Variants in SGCZ observed in about 807,000 individuals in gnomAD.
SGCZ encodes the protein zeta-sarcoglycan.
In SGCZ, 40 loss-of-function variants were observed where a neutral mutation model predicts 41.3. The ratio of observed to expected loss-of-function variants is 0.97; its 90% CI spans 0.75 to 1.26. SGCZ has a LOEUF of 1.26. Ranked by LOEUF, SGCZ falls within the 50% of genes most tolerant of loss-of-function variation. The pLI is 0.00. For missense variants in SGCZ, 552 were observed against 369.8 expected (o/e 1.49, Z -4.04); for synonymous variants, 206 against 137.5 (o/e 1.50, Z -3.49).
intron 2 of SGCZ, among the ~76,000 whole-genome samples, chr8:14,403,396 TG>T (rs1487582360): frequency 6.6e-6 from 1 of 151,504 alleles, no homozygotes; most frequent in Non-Finnish European, 1.5e-5. Flanking sequence ...TTCCAGTTTT[TG>T]CCCATTCAGT....
At position 14,620,455 on chromosome 8, in the gene SGCZ, A is replaced by C. The variant is rs759919493; in HGVS notation, c.40-65529T>G. ...TTGACAAATGGGATCTAATTAAACT[A>C]AAGAGCTTCTGCACAGCAAAAGAAA... On this transcript the variant is annotated intron_variant, in intron 1 of 7. Coordinates refer to ENST00000382080, the MANE Select transcript of SGCZ (RefSeq NM_139167.4). Among the ~76,000 whole-genome samples the C allele has an allele frequency of 8.9e-3, 1,357 of 152,192 alleles. 5 individuals are homozygous for C. The highest frequency in any genetic ancestry group is 0.016 in the South Asian group (75 of 4,824).
intron 2 of SGCZ, among the ~76,000 whole-genome samples, chr8:14,406,747 C>T (rs1319528016): frequency 6.6e-6 from 1 of 152,152 alleles, no homozygotes; most frequent in Non-Finnish European, 1.5e-5. Flanking sequence ...AGGAAGTTAC[C>T]ACTCTCATTC....
chr8:14,990,354 TTAGGAACCAGGCCGCA>T (rs1376862565), intron 1 of SGCZ, among the ~76,000 whole-genome samples: 1 of 151,320 alleles, frequency 6.6e-6, no homozygotes, highest in Non-Finnish European at 1.5e-5. Flanking sequence ...CCCTGGCCTG[TTAGGAACCAGGCCGCA>T]TAGGAGCTGA....
At chr8:14,624,609 C>T (rs1467582767) in intron 1 of SGCZ, among the ~76,000 whole-genome samples, 15 of 129,044 alleles carry the variant, frequency 1.2e-4, no homozygotes, top group African/African-American at 3.0e-4. Context: ...CTCGCTCTGT[C>T]GCCCAGGCTG....
intron 1 of SGCZ, among the ~76,000 whole-genome samples, chr8:14,630,719 T>C (rs933109229): frequency 6.6e-6 from 1 of 151,746 alleles, no homozygotes; most frequent in East Asian, 2.0e-4. Flanking sequence ...ATGTCCTTTG[T>C]AGGGACATGG....
chr8:14,127,466 AT>A (rs1320560640), intron 5 of SGCZ, among the ~76,000 whole-genome samples: 4 of 151,834 alleles, frequency 2.6e-5, no homozygotes, highest in Non-Finnish European at 1.5e-5. Flanking sequence ...CTATTTATTT[AT>A]TTTTTTGATA....
At chr8:14,412,559 A>T (rs964615111) in intron 2 of SGCZ, among the ~76,000 whole-genome samples, 1 of 152,100 alleles carries the variant, frequency 6.6e-6, no homozygotes, top group Non-Finnish European at 1.5e-5. Context: ...GTCATCAGGT[A>T]AAAACACATA....
chr8:14,781,505 C>T (rs976071824), intron 1 of SGCZ, among the ~76,000 whole-genome samples: 2 of 152,118 alleles, frequency 1.3e-5, no homozygotes, highest in African/African-American at 4.8e-5. Context: ...CTGGCATTTA[C>T]AGCCTGAGCC....
At chr8:15,237,444 G>A (rs1341533980) in intron 1 of SGCZ, 141 bp downstream of exon 1, 3 of 994,584 alleles carry the variant, frequency 3.0e-6, no homozygotes, top group Non-Finnish European at 3.0e-6. Flanking sequence ...GCCTGCGCCC[G>A]GGTGCGCGTC....
At chr8:14,662,619 C>T (rs1807790620) in intron 1 of SGCZ, among the ~76,000 whole-genome samples, 1 of 152,104 alleles carries the variant, frequency 6.6e-6, no homozygotes, top group Non-Finnish European at 1.5e-5. Flanking sequence ...AATAATGGTC[C>T]TCCAAAGAAG....
intron 1 of SGCZ, among the ~76,000 whole-genome samples, chr8:14,858,534 A>C (rs781182854): frequency 5.9e-5 from 9 of 152,156 alleles, no homozygotes; most frequent in Non-Finnish European, 8.8e-5. Context: ...AGACTATTTT[A>C]GCCTTTTTAG....
chr8:14,823,137 A>G (rs1341941672), intron 1 of SGCZ, among the ~76,000 whole-genome samples: 1 of 151,922 alleles, frequency 6.6e-6, no homozygotes. Flanking sequence ...AATAAAAGGA[A>G]AACAGTGGAA....
At chr8:15,010,148 G>C (rs886669345) in intron 1 of SGCZ, among the ~76,000 whole-genome samples, 3 of 152,208 alleles carry the variant, frequency 2.0e-5, no homozygotes, top group Admixed American at 1.3e-4. Context: ...AAAAAACTTA[G>C]CCTTGAAATT....
At chr8:14,699,417 C>CAGT in intron 1 of SGCZ, among the ~76,000 whole-genome samples, 1 of 151,716 alleles carries the variant, frequency 6.6e-6, no homozygotes, top group East Asian at 1.9e-4. Flanking sequence ...CTACCATATG[C>CAGT]AGTAGATTGA....
intron 3 of SGCZ, among the ~76,000 whole-genome samples, chr8:14,281,521 T>C (rs1800438094): frequency 6.6e-6 from 1 of 151,992 alleles, no homozygotes; most frequent in South Asian, 2.1e-4. Flanking sequence ...TCAAATTGAA[T>C]ATACATGCAC....
At chr8:14,317,104 C>A (rs1801745417) in intron 3 of SGCZ, among the ~76,000 whole-genome samples, 1 of 152,044 alleles carries the variant, frequency 6.6e-6, no homozygotes, top group African/African-American at 2.4e-5. Context: ...TTGAATCATA[C>A]TCTCCTTGAC....
chr8:14,692,724 CCT>C lies in SGCZ; in HGVS notation c.40-137800_40-137799del, dbSNP rs201117435. On this transcript the variant is annotated intron_variant, in intron 1 of 7. Transcript: ENST00000382080. ...AAAGTTCCACCTAAATTATTGGAAT[CCT>C]TTTATATCTATCTTAGACAAAATCA... 8.4e-3 allele frequency among the ~76,000 whole-genome samples: 1,283 copies of C among 152,228 alleles called. 16 individuals are homozygous for C. The highest frequency in any genetic ancestry group is 0.031 in the Middle Eastern group (9 of 294).
chr8:14,230,495 C>T (rs1452774081), intron 4 of SGCZ, among the ~76,000 whole-genome samples: 3 of 152,106 alleles, frequency 2.0e-5, no homozygotes, highest in African/African-American at 7.2e-5. Flanking sequence ...TACATAAGGT[C>T]ACATAGCGGG....
chr8:14,593,069 G>C (rs571834951), intron 1 of SGCZ, among the ~76,000 whole-genome samples: 1 of 152,178 alleles, frequency 6.6e-6, no homozygotes, highest in Non-Finnish European at 1.5e-5. Context: ...GGTGTGGTCA[G>C]GTGAATAATG....
Sources: gnomAD v4.1 joint callset for allele counts (sites outside exome capture counted in the v4.1 genomes callset) on GRCh38, gnomAD v4.1.1 for gene constraint, MANE v1.5 for transcripts, NCBI Gene and HGNC (gene_info 2026-07-23, HGNC 2026-07-21) for gene names.